NRG3: variants seen among roughly 807,000 people sequenced by gnomAD.
NRG3 encodes neuregulin 3, also known as pro-neuregulin-3, membrane-bound isoform.
Under a neutral mutation model 66.9 loss-of-function variants are expected in NRG3, and 31 were observed. The ratio of observed to expected loss-of-function variants is 0.46; its 90% CI spans 0.35 to 0.63. The LOEUF is 0.63. Among genes scored for constraint, NRG3 ranks in the 20% least tolerant of loss-of-function variants. The pLI is 0.00. For synonymous variants in NRG3, 393 were observed against 359.4 expected, an observed-to-expected ratio of 1.09 and a Z score of -1.06; for missense variants, 910 against 878.9, an observed-to-expected ratio of 1.04 and a Z score of -0.45.
intron 1 of NRG3, among the ~76,000 whole-genome samples, chr10:81,925,345 G>A (rs1384630491): frequency 6.6e-6 from 1 of 152,180 alleles, no homozygotes; most frequent in African/African-American, 2.4e-5. Flanking sequence ...CATCTAGGAA[G>A]CAGAATTCTG....
At chr10:82,117,463 C>A in intron 1 of NRG3, among the ~76,000 whole-genome samples, 1 of 152,106 alleles carries the variant, frequency 6.6e-6, no homozygotes, top group East Asian at 1.9e-4. Context: ...TTATCAAGTT[C>A]TTTTAATTTA....
At chr10:82,226,562 C>A (rs1038130909) in intron 1 of NRG3, among the ~76,000 whole-genome samples, 1 of 152,036 alleles carries the variant, frequency 6.6e-6, no homozygotes, top group African/African-American at 2.4e-5. Flanking sequence ...ATAATGCTAG[C>A]CCTTATATCC....
chr10:81,895,403 T>C (rs1472183479), intron 1 of NRG3, among the ~76,000 whole-genome samples: 2 of 152,162 alleles, frequency 1.3e-5, no homozygotes, highest in Admixed American at 1.3e-4. Context: ...ATCCCAATAC[T>C]CTCAGCAGTT....
At chr10:82,535,968 C>T (rs1219178792) in intron 2 of NRG3, among the ~76,000 whole-genome samples, 1 of 145,246 alleles carries the variant, frequency 6.9e-6, no homozygotes, top group Non-Finnish European at 1.5e-5. Context: ...CAGGTAAAAT[C>T]TGGACCTTAT....
intron 6 of NRG3, among the ~76,000 whole-genome samples, chr10:82,964,178 T>G (rs1850964288): frequency 6.6e-6 from 1 of 152,158 alleles, no homozygotes; most frequent in Non-Finnish European, 1.5e-5. Flanking sequence ...CATGTGATGA[T>G]GACAAAAAAT....
At chr10:81,951,303 T>G (rs866026093) in intron 1 of NRG3, among the ~76,000 whole-genome samples, 1 of 152,176 alleles carries the variant, frequency 6.6e-6, no homozygotes. Flanking sequence ...TCCTTTTTCC[T>G]CTCTGTAAAA....
At chr10:82,198,323 T>C (rs1229190356) in intron 1 of NRG3, among the ~76,000 whole-genome samples, 1 of 134,996 alleles carries the variant, frequency 7.4e-6, no homozygotes, top group Non-Finnish European at 1.7e-5. Flanking sequence ...GTTTTGTTAT[T>C]CTTGCAAAAG....
chr10:82,025,523 A>G (rs1330798449), intron 1 of NRG3, among the ~76,000 whole-genome samples: 2 of 152,000 alleles, frequency 1.3e-5, no homozygotes, highest in African/African-American at 4.8e-5. Flanking sequence ...TGGTCAAAGG[A>G]CATAAATATT....
At chr10:82,801,635 T>A (rs2061043741) in intron 3 of NRG3, among the ~76,000 whole-genome samples, 1 of 152,180 alleles carries the variant, frequency 6.6e-6, no homozygotes, top group Non-Finnish European at 1.5e-5. Flanking sequence ...GGCTACAGAA[T>A]GGCAGCAGAG....
At chr10:82,264,425 G>A (rs557286251) in intron 1 of NRG3, among the ~76,000 whole-genome samples, 5 of 148,048 alleles carry the variant, frequency 3.4e-5, no homozygotes, top group South Asian at 2.2e-4. Flanking sequence ...CGCCCCGCCC[G>A]ATTCAATTAT....
chr10:81,993,607 A>G (rs537863482), intron 1 of NRG3, among the ~76,000 whole-genome samples: 2 of 152,218 alleles, frequency 1.3e-5, no homozygotes, highest in East Asian at 3.9e-4. Context: ...ATGTCCTCAC[A>G]AAGAGGTGGA....
At chr10:82,270,827 G>A (rs1211114079) in intron 1 of NRG3, among the ~76,000 whole-genome samples, 3 of 152,076 alleles carry the variant, frequency 2.0e-5, no homozygotes, top group Non-Finnish European at 4.4e-5. Flanking sequence ...AACAAGTATT[G>A]TCTCTTACGC....
At chr10:81,876,574 G>T (rs375174250) in intron 1 of NRG3, among the ~76,000 whole-genome samples, 5 of 152,338 alleles carry the variant, frequency 3.3e-5, no homozygotes, top group African/African-American at 1.2e-4. Context: ...TTCTCCGCCC[G>T]CCGGTAGGAA....
At chr10:82,186,599 C>T (rs1009814949) in intron 1 of NRG3, among the ~76,000 whole-genome samples, 1 of 152,146 alleles carries the variant, frequency 6.6e-6, no homozygotes, top group African/African-American at 2.4e-5. Flanking sequence ...AAATCCCAAC[C>T]CCTCATTGTA....
rs535965186 is a variant in NRG3 at position 82,338,245 on chromosome 10, G to A, written c.824-20494G>A. On this transcript the variant is annotated intron_variant, in intron 1 of 8. Coordinates refer to ENST00000372141, the MANE Select transcript of NRG3 (RefSeq NM_001010848.4). Reference sequence around the variant, plus strand: ...CATCACCTTACTAGTGATTGATGGGGGCATCCCACTCTTTATTGATCTAGT... The same window carrying A: ...CATCACCTTACTAGTGATTGATGGGAGCATCCCACTCTTTATTGATCTAGT... Among the ~76,000 whole-genome samples the A allele has an allele frequency of 1.1e-4, 16 of 152,278 alleles. No homozygotes were observed. In the South Asian group the frequency reaches 2.9e-3, roughly 28 times the overall value.
intron 4 of NRG3, among the ~76,000 whole-genome samples, chr10:82,919,062 A>AGTGT (rs71471761): frequency 0.069 from 9,762 of 141,768 alleles, 417 homozygotes; most frequent in Non-Finnish European, 0.096. Flanking sequence ...ATAGGGGTGG[A>AGTGT]GTGTGTGTGT....
rs998577467 is a variant in NRG3, at chr10:82,702,477, A to G, written c.954-36100A>G. Among the ~76,000 whole-genome samples the G allele has an allele frequency of 7.2e-5, 11 of 152,184 alleles. No individual in the cohort carries two copies. In the East Asian group the frequency reaches 1.2e-3, roughly 16 times the overall value. On this transcript the variant is annotated intron_variant, in intron 2 of 8. Coordinates refer to ENST00000372141, the MANE Select transcript of NRG3 (RefSeq NM_001010848.4). Reference sequence around the variant, plus strand: ...ACTTAAAATGCATATGAAGTAATTTATTTTAGGAGTATTGTGCATATTATG... The same window carrying G: ...ACTTAAAATGCATATGAAGTAATTTGTTTTAGGAGTATTGTGCATATTATG...
chr10:82,571,656 G>A (rs1565083076), intron 2 of NRG3, among the ~76,000 whole-genome samples: 3 of 151,618 alleles, frequency 2.0e-5, no homozygotes, highest in African/African-American at 7.3e-5. Flanking sequence ...AGCTACCTAT[G>A]CATTAATAGG....
intron 6 of NRG3, among the ~76,000 whole-genome samples, chr10:82,966,939 T>C (rs1851265638): frequency 6.6e-6 from 1 of 151,926 alleles, no homozygotes; most frequent in Admixed American, 6.6e-5. Context: ...TTTTTGTTGT[T>C]GAGCACTACA....
Sources: gnomAD v4.1 joint callset for allele counts (sites outside exome capture counted in the v4.1 genomes callset) on GRCh38, gnomAD v4.1.1 for gene constraint, MANE v1.5 for transcripts, NCBI Gene and HGNC (gene_info 2026-07-23, HGNC 2026-07-21) for gene names.